Variants in FOXP2 observed in about 807,000 individuals in gnomAD.
FOXP2 encodes forkhead box protein P2.
Under a neutral mutation model 115.8 loss-of-function variants are expected in FOXP2, and 12 were observed. The observed-to-expected ratio is 0.10, with a 90% CI of 0.07 to 0.17. The LOEUF (loss-of-function observed/expected upper bound fraction) is 0.17, where lower values mean the gene tolerates loss of function less well. FOXP2 is among the 10% of genes least tolerant of loss of function. The pLI is 1.00. For synonymous variants in FOXP2, 328 were observed against 297.7 expected, an observed-to-expected ratio of 1.10 and a Z score of -1.05; for missense variants, 629 against 843.5, an observed-to-expected ratio of 0.75 and a Z score of 3.15.
chr7:114,446,986 G>A (rs1794863870), intron 2 of FOXP2, among the ~76,000 whole-genome samples: 1 of 152,108 alleles, frequency 6.6e-6, no homozygotes, highest in African/African-American at 2.4e-5. Flanking sequence ...CTGGCCTCAA[G>A]CAATCCACTC....
At chr7:114,178,523 C>T (rs1438448191) in intron 1 of FOXP2, among the ~76,000 whole-genome samples, 1 of 151,858 alleles carries the variant, frequency 6.6e-6, no homozygotes, top group African/African-American at 2.4e-5. Flanking sequence ...TAGTTGCTCC[C>T]ATTGAATTTT....
chr7:114,265,768 T>A (rs1795879444), intron 1 of FOXP2, among the ~76,000 whole-genome samples: 1 of 152,058 alleles, frequency 6.6e-6, no homozygotes, highest in South Asian at 2.1e-4. Context: ...CCAAACCTCC[T>A]TAACTCTTGC....
intron 1 of FOXP2, among the ~76,000 whole-genome samples, chr7:114,145,368 T>C (rs1464300521): frequency 6.6e-6 from 1 of 152,160 alleles, no homozygotes; most frequent in Non-Finnish European, 1.5e-5. Flanking sequence ...GTAAACATTC[T>C]GAAATAGATA....
At chr7:114,447,777 C>T (rs1279045657) in intron 2 of FOXP2, among the ~76,000 whole-genome samples, 1 of 152,134 alleles carries the variant, frequency 6.6e-6, no homozygotes, top group Non-Finnish European at 1.5e-5. Flanking sequence ...CCTTTTATAA[C>T]ATTCAGAACA....
At chr7:114,452,684 T>C (rs1026650852) in intron 2 of FOXP2, among the ~76,000 whole-genome samples, 8 of 152,106 alleles carry the variant, frequency 5.3e-5, no homozygotes, top group Non-Finnish European at 5.9e-5. Context: ...AAAGTATAGT[T>C]GATAGCAGTG....
intron 1 of FOXP2, among the ~76,000 whole-genome samples, chr7:114,275,522 GT>G (rs1417698789): frequency 8.5e-5 from 13 of 152,066 alleles, no homozygotes; most frequent in Admixed American, 7.2e-4. Context: ...CTTTTTGTTT[GT>G]TTTTTGTTGT....
At chr7:114,161,144 A>G (rs781695727), upstream of FOXP2, among the ~76,000 whole-genome samples, 1 of 152,170 alleles carries the variant, frequency 6.6e-6, no homozygotes, top group Admixed American at 6.6e-5. Flanking sequence ...TTGAACTGCC[A>G]TGTGGATATA....
intron 2 of FOXP2, among the ~76,000 whole-genome samples, chr7:114,530,938 A>G (rs921121166): frequency 1.3e-5 from 2 of 151,824 alleles, no homozygotes; most frequent in African/African-American, 4.8e-5. Flanking sequence ...AATCTCTTAT[A>G]AAGATTATTT....
chr7:114,106,563 C>T (rs1791122554), intron 1 of FOXP2, among the ~76,000 whole-genome samples: 1 of 151,932 alleles, frequency 6.6e-6, no homozygotes, highest in African/African-American at 2.4e-5. Flanking sequence ...TCATTTCTTG[C>T]CCCCTTTGGT....
intron 2 of FOXP2, among the ~76,000 whole-genome samples, chr7:114,389,538 A>T (rs1792535523): frequency 6.6e-6 from 1 of 152,212 alleles, no homozygotes; most frequent in Non-Finnish European, 1.5e-5. Context: ...ACATGAAAAC[A>T]TAGGACTTTT....
At chr7:114,374,035 C>A (rs910484592) in intron 2 of FOXP2, among the ~76,000 whole-genome samples, 4 of 152,150 alleles carry the variant, frequency 2.6e-5, no homozygotes, top group African/African-American at 9.7e-5. Context: ...TAGATTTAGG[C>A]AACGATTATA....
intron 1 of FOXP2, among the ~76,000 whole-genome samples, chr7:114,277,976 G>A: frequency 6.9e-6 from 1 of 144,472 alleles, no homozygotes; most frequent in East Asian, 2.1e-4. Context: ...GCAGTGAGCT[G>A]AGATCGTGTC....
At chr7:114,356,139 T>G (rs960984432) in intron 2 of FOXP2, among the ~76,000 whole-genome samples, 1 of 152,140 alleles carries the variant, frequency 6.6e-6, no homozygotes, top group Non-Finnish European at 1.5e-5. Flanking sequence ...AAAACTAGCC[T>G]TGTTGTTCTG....
At chr7:114,240,762 T>C (rs1329099493) in intron 1 of FOXP2, among the ~76,000 whole-genome samples, 1 of 152,096 alleles carries the variant, frequency 6.6e-6, no homozygotes, top group African/African-American at 2.4e-5. Flanking sequence ...TTTATCTTAT[T>C]CATTTCCACT....
intron 1 of FOXP2, among the ~76,000 whole-genome samples, chr7:114,262,450 T>C (rs1200811964): frequency 6.6e-6 from 1 of 152,058 alleles, no homozygotes; most frequent in East Asian, 1.9e-4. Flanking sequence ...GGTGATGGGA[T>C]CATTCATACC....
Position 114,689,963 on chromosome 7 carries a change from T to C in FOXP2, c.*37T>C. ...TGAAACCTCAGCGTGAAGGGACATA[T>C]CACTGACCTTCATAACCACTCCACA... On this transcript the variant is annotated 3_prime_UTR_variant, in exon 17 of 17. Transcript: ENST00000350908. 6.2e-7 allele frequency: 1 copy of C among 1,608,378 alleles called. No individual in the cohort carries two copies. Among genetic ancestry groups the C allele is most frequent in the Non-Finnish European group, 8.5e-7 (1 of 1,176,672 alleles).
chr7:114,381,482 C>T (rs1052208368), intron 2 of FOXP2, among the ~76,000 whole-genome samples: 1 of 152,118 alleles, frequency 6.6e-6, no homozygotes, highest in Non-Finnish European at 1.5e-5. Context: ...ATCCTTGAAC[C>T]CTTGGGGTAA....
At chr7:114,619,180 A>G (rs1417455142) in intron 3 of FOXP2, among the ~76,000 whole-genome samples, 1 of 152,046 alleles carries the variant, frequency 6.6e-6, no homozygotes, top group Non-Finnish European at 1.5e-5. Flanking sequence ...ATAAAGAATA[A>G]CATTATCTGT....
intron 2 of FOXP2, among the ~76,000 whole-genome samples, chr7:114,456,009 CA>C (rs1795298184): frequency 6.6e-6 from 1 of 152,188 alleles, no homozygotes; most frequent in Non-Finnish European, 1.5e-5. Flanking sequence ...CTAACTTAGT[CA>C]TCCTTCAATG....
Sources: allele counts gnomAD v4.1 joint callset (sites outside exome capture counted in the v4.1 genomes callset), GRCh38; gene constraint gnomAD v4.1.1; transcripts MANE v1.5; gene names NCBI Gene and HGNC (gene_info 2026-07-23, HGNC 2026-07-21).